The following KIT variants were observed in gnomAD, a reference collection of about 807,000 sequenced individuals.
The protein encoded by KIT is mast/stem cell growth factor receptor Kit.
Under a neutral mutation model 105.7 loss-of-function variants are expected in KIT, and 16 were observed. The observed-to-expected ratio is 0.15, with a 90% CI of 0.10 to 0.23. The LOEUF is 0.23. Ranked by LOEUF, KIT falls within the 10% of genes least tolerant of loss-of-function variation. The pLI, the probability that KIT is intolerant of heterozygous loss-of-function variation, is 1.00. For missense variants in KIT, 858 were observed against 1,213.8 expected, an observed-to-expected ratio of 0.71 and a Z score of 4.36; for synonymous variants, 438 against 441.1, an observed-to-expected ratio of 0.99 and a Z score of 0.09.
chr4:54,672,980 T>A (rs1422792499), intron 1 of KIT, among the ~76,000 whole-genome samples: 1 of 152,208 alleles, frequency 6.6e-6, no homozygotes, highest in Non-Finnish European at 1.5e-5. Flanking sequence ...CTGTATTGCA[T>A]TTTGCCATAA....
intron 1 of KIT, among the ~76,000 whole-genome samples, chr4:54,669,385 A>G (rs1717941709): frequency 6.6e-6 from 1 of 152,220 alleles, no homozygotes; most frequent in African/African-American, 2.4e-5. Context: ...GGCCCAGAGC[A>G]TTGTGTGTGC....
intron 13 of KIT, 169 bp from the exon 14 acceptor site, chr4:54,729,166 C>T: frequency 3.0e-6 from 2 of 669,162 alleles, no homozygotes; most frequent in South Asian, 3.8e-5. Context: ...CCACATAAGG[C>T]TGCTTTTTTG....
chr4:54,695,802 A>G (rs771673266), intron 2 of KIT, 21 bp downstream of exon 2: 4 of 1,614,024 alleles, frequency 2.5e-6, no homozygotes, highest in East Asian at 2.2e-5. Flanking sequence ...GGCTTTCTGC[A>G]GTGCTGTGCT....
chr4:54,716,741 G>A (rs182042033), intron 7 of KIT, among the ~76,000 whole-genome samples: 3 of 152,264 alleles, frequency 2.0e-5, no homozygotes, highest in African/African-American at 7.2e-5. Context: ...CCTGTCAGAT[G>A]ATTATTTAAA....
At chr4:54,663,277 C>CT (rs1717426194) in intron 1 of KIT, among the ~76,000 whole-genome samples, 1 of 152,198 alleles carries the variant, frequency 6.6e-6, no homozygotes, top group Non-Finnish European at 1.5e-5. Context: ...CTCTTCCCTG[C>CT]TGTGTGCTCT....
intron 1 of KIT, among the ~76,000 whole-genome samples, chr4:54,693,429 C>T (rs1404866257): frequency 1.3e-5 from 2 of 152,178 alleles, no homozygotes; most frequent in Admixed American, 1.3e-4. Context: ...AAGATCAATG[C>T]TTGGTTGGTT....
chr4:54,715,395 G>T (rs1456206449), intron 7 of KIT, among the ~76,000 whole-genome samples: 1 of 151,626 alleles, frequency 6.6e-6, no homozygotes, highest in Non-Finnish European at 1.5e-5. Context: ...AATGCCCGGG[G>T]CTGGGTGATT....
At chr4:54,669,735 G>C (rs914642124) in intron 1 of KIT, among the ~76,000 whole-genome samples, 1 of 151,800 alleles carries the variant, frequency 6.6e-6, no homozygotes, top group African/African-American at 2.4e-5. Flanking sequence ...GATGTAATTT[G>C]AGGGGCTATC....
chr4:54,736,640 T>G, intron 18 of KIT, 31 bp downstream of exon 18: 1 of 1,598,606 alleles, frequency 6.3e-7, no homozygotes, highest in Non-Finnish European at 8.6e-7. Flanking sequence ...GACAACTTCA[T>G]TAGACTCAGA....
chr4:54,720,130 C>T (rs761061862), intron 7 of KIT, among the ~76,000 whole-genome samples: 1 of 152,046 alleles, frequency 6.6e-6, no homozygotes, highest in African/African-American at 2.4e-5. Flanking sequence ...TCCTTAAAGG[C>T]CCTTTAAAAA....
intron 17 of KIT, among the ~76,000 whole-genome samples, chr4:54,733,750 C>T (rs1269489818): frequency 6.6e-6 from 1 of 152,118 alleles, no homozygotes; most frequent in Non-Finnish European, 1.5e-5. Flanking sequence ...CCTATAATTG[C>T]AGCACCTTCC....
chr4:54,727,643 C>A, intron 11 of KIT, 101 bp downstream of exon 11: 1 of 1,511,506 alleles, frequency 6.6e-7, no homozygotes, highest in Non-Finnish European at 9.2e-7. Flanking sequence ...CCACCTGAAA[C>A]AATGAGTTTT....
intron 7 of KIT, among the ~76,000 whole-genome samples, chr4:54,716,064 T>C (rs763498598): frequency 8.5e-5 from 13 of 152,234 alleles, no homozygotes; most frequent in Non-Finnish European, 1.3e-4. Context: ...TTCAAACACA[T>C]GCGCGTCCAA....
intron 5 of KIT, among the ~76,000 whole-genome samples, chr4:54,706,690 T>C (rs540380267): frequency 6.6e-6 from 1 of 152,288 alleles, no homozygotes; most frequent in East Asian, 1.9e-4. Context: ...AACATTTTTA[T>C]TAAACATTAG....
chr4:54,733,733 C>A (rs1232508018), intron 17 of KIT, among the ~76,000 whole-genome samples: 1 of 152,086 alleles, frequency 6.6e-6, no homozygotes, highest in Non-Finnish European at 1.5e-5. Flanking sequence ...TCAGAACAAA[C>A]CCTTGTCCTA....
chr4:54,671,024 G>GCCA (rs1170076924), intron 1 of KIT, among the ~76,000 whole-genome samples: 54 of 152,276 alleles, frequency 3.5e-4, no homozygotes, highest in Admixed American at 3.5e-3. Flanking sequence ...GTACCATTTA[G>GCCA]CCACCATCAG....
At chr4:54,692,733 A>G (rs1469389180) in intron 1 of KIT, among the ~76,000 whole-genome samples, 2 of 152,194 alleles carry the variant, frequency 1.3e-5, no homozygotes, top group African/African-American at 2.4e-5. Context: ...CTGCGTGCCC[A>G]TATTCTTGCT....
intron 7 of KIT, among the ~76,000 whole-genome samples, chr4:54,715,679 A>G (rs188197256): frequency 3.8e-4 from 58 of 152,170 alleles, no homozygotes; most frequent in Admixed American, 7.9e-4. Flanking sequence ...TGACCCAGAC[A>G]CCTCCCATCA....
intron 14 of KIT, among the ~76,000 whole-genome samples, chr4:54,730,407 G>A (rs1476201134): frequency 6.6e-6 from 1 of 152,030 alleles, no homozygotes; most frequent in Non-Finnish European, 1.5e-5. Flanking sequence ...ATTATTGATG[G>A]GCAATTACCC....
Sources: gnomAD v4.1 joint callset for allele counts (sites outside exome capture counted in the v4.1 genomes callset) on GRCh38, gnomAD v4.1.1 for gene constraint, MANE v1.5 for transcripts, NCBI Gene and HGNC (gene_info 2026-07-23, HGNC 2026-07-21) for gene names.